AGAP4: variants seen among roughly 807,000 people sequenced by gnomAD.
AGAP4 encodes ArfGAP with GTPase domain, ankyrin repeat and PH domain 4.
In AGAP4, 13 loss-of-function variants were observed where a neutral mutation model predicts 60.7. The ratio of observed to expected loss-of-function variants is 0.21; its 90% CI spans 0.14 to 0.34. The LOEUF (loss-of-function observed/expected upper bound fraction) is 0.34. Among genes scored for constraint, AGAP4 ranks in the 10% least tolerant of loss-of-function variants. AGAP4 has a pLI of 1.00. For missense variants in AGAP4, 169 were observed against 884.0 expected (o/e 0.19, Z 10.26); for synonymous variants, 70 against 339.0 (o/e 0.21, Z 8.72).
At chr10:45,827,785 A>C (rs1408966831) in intron 7 of AGAP4, among the ~76,000 whole-genome samples, 25 of 24,204 alleles carry the variant, frequency 1.0e-3, no homozygotes, top group African/African-American at 2.7e-3. Flanking sequence ...GAGTCCATAA[A>C]AAAAAAAAAA....
chr10:45,834,350 G>C (rs2058777095), intron 4 of AGAP4, among the ~76,000 whole-genome samples: 1 of 136,922 alleles, frequency 7.3e-6, no homozygotes, highest in African/African-American at 3.1e-5. Flanking sequence ...AACCTAACAA[G>C]GATTTTATGA....
At chr10:45,845,460 ATAT>A (rs2058983054) in intron 2 of AGAP4, among the ~76,000 whole-genome samples, 1 of 108,314 alleles carries the variant, frequency 9.2e-6, no homozygotes, top group Admixed American at 8.3e-5. Context: ...TTCAAGAACC[ATAT>A]TATTACCCAG....
chr10:45,849,726 C>T (rs1479402447), upstream of AGAP4, among the ~76,000 whole-genome samples: 2 of 151,148 alleles, frequency 1.3e-5, no homozygotes, highest in Non-Finnish European at 1.5e-5. Flanking sequence ...CTGCAACCTC[C>T]GCCTCCTGGG....
At chr10:45,844,093 C>A (rs1554899073) in intron 3 of AGAP4, among the ~76,000 whole-genome samples, 4 of 150,354 alleles carry the variant, frequency 2.7e-5, no homozygotes, top group Non-Finnish European at 5.9e-5. Context: ...CATCACATCA[C>A]AAATTAATTG....
chr10:45,841,131 T>C (rs2058909782), intron 4 of AGAP4, among the ~76,000 whole-genome samples: 1 of 93,466 alleles, frequency 1.1e-5, no homozygotes, highest in Admixed American at 9.3e-5. Flanking sequence ...GAGACAGAGT[T>C]TTGCTCTGTC....
In AGAP4 at chr10:45,834,976, T is replaced by C. The variant is rs1335061773; in HGVS notation, c.397-860A>G. ...TTTTAGTAGAGACGGGGTTTCACCG[T>C]GTTAGCCAGGATGGTCTCGATCTCC... On this transcript the variant is annotated intron_variant, in intron 4 of 7. Transcript: ENST00000616763. 2.0e-5 allele frequency among the ~76,000 whole-genome samples: 3 copies of C among 146,606 alleles called. No individual in the cohort carries two copies. The Middle Eastern group carries it at 0.01, about 506-fold the overall frequency.
At chr10:45,828,397 T>C (rs2135920309) in intron 6 of AGAP4, among the ~76,000 whole-genome samples, 1 of 150,400 alleles carries the variant, frequency 6.6e-6, no homozygotes, top group African/African-American at 2.4e-5. Flanking sequence ...AAGAATGTTC[T>C]ACAAAGCAGT....
chr10:45,845,491 T>G (rs1333399592), intron 2 of AGAP4, among the ~76,000 whole-genome samples: 1 of 111,702 alleles, frequency 9.0e-6, no homozygotes, highest in Non-Finnish European at 2.0e-5. Context: ...TTTACTTAGA[T>G]TCATCTCTTT....
intron 3 of AGAP4, 106 bp downstream of exon 3, chr10:45,844,220 A>G: frequency 8.5e-7 from 1 of 1,172,980 alleles, no homozygotes. Flanking sequence ...ACATGTGAAA[A>G]GATGAAAATT....
At chr10:45,837,038 T>C (rs2135942625) in intron 4 of AGAP4, among the ~76,000 whole-genome samples, 1 of 143,008 alleles carries the variant, frequency 7.0e-6, no homozygotes, top group East Asian at 2.1e-4. Flanking sequence ...GGCTAACTTT[T>C]GTATTTTTAG....
rs1297954049 is a variant in AGAP4, at chr10:45,831,979, G to C, written c.498-550C>G. Among the ~76,000 whole-genome samples, 5 of 143,294 alleles carry C rather than the reference G, an allele frequency of 3.5e-5. No homozygotes were observed. The Admixed American group carries it at 3.5e-4, about 10-fold the overall frequency. 94.0% of individuals were successfully genotyped at this position (143,294 alleles called of 152,430 possible). A position where few individuals can be genotyped will look rare whatever the true frequency, so the allele number is the denominator to read the frequency against. On this transcript the variant is annotated intron_variant, in intron 5 of 7. Transcript: ENST00000616763. ...GGCTGGAGTGCAATGGTGTGATCTC[G>C]GCTCACCACAACCTCTGCCTCCCAG...
At chr10:45,834,819 A>G (rs1401418252) in intron 4 of AGAP4, among the ~76,000 whole-genome samples, 1,628 of 142,204 alleles carry the variant, frequency 0.011, 28 homozygotes, top group African/African-American at 0.045. Context: ...TGTCGCCCAG[A>G]CTGGAGTGCA....
At chr10:45,844,665 T>TAA (rs1299137211) in intron 2 of AGAP4, among the ~76,000 whole-genome samples, 943 of 90,878 alleles carry the variant, frequency 0.01, 4 homozygotes, top group African/African-American at 0.038. Flanking sequence ...CTCCTTTATT[T>TAA]AAAAAAAAAA....
chr10:45,853,232 CTT>C (rs1233357974), intron 1 of AGAP4, among the ~76,000 whole-genome samples: 1 of 150,180 alleles, frequency 6.7e-6, no homozygotes, highest in African/African-American at 2.5e-5. Flanking sequence ...GATATCATAA[CTT>C]GACATTTTGT....
At chr10:45,851,084 C>T (rs1179636752), upstream of AGAP4, among the ~76,000 whole-genome samples, 2 of 151,456 alleles carry the variant, frequency 1.3e-5, no homozygotes, top group South Asian at 4.2e-4. Context: ...TAAAATAAAG[C>T]TAATACATGA....
chr10:45,852,468 C>A (rs2059097181), upstream of AGAP4, among the ~76,000 whole-genome samples: 1 of 148,822 alleles, frequency 6.7e-6, no homozygotes, highest in African/African-American at 2.5e-5. Context: ...AAAGAAATAA[C>A]AGCAGGTTTA....
chr10:45,830,104 T>G (rs1200821984), intron 6 of AGAP4, among the ~76,000 whole-genome samples: 1 of 147,630 alleles, frequency 6.8e-6, no homozygotes, highest in Non-Finnish European at 1.5e-5. Context: ...TACCCACAAC[T>G]GTCTGAAAAC....
At chr10:45,843,627 G>C (rs2058954949) in intron 3 of AGAP4, among the ~76,000 whole-genome samples, 2 of 124,946 alleles carry the variant, frequency 1.6e-5, no homozygotes, top group Non-Finnish European at 3.5e-5. Flanking sequence ...GTGTTTTACT[G>C]TGCTGCATTA....
intron 4 of AGAP4, among the ~76,000 whole-genome samples, chr10:45,834,694 A>AAG (rs2058787062): frequency 7.9e-6 from 1 of 125,814 alleles, no homozygotes; most frequent in Non-Finnish European, 1.6e-5. Context: ...AAAAAAAAAA[A>AAG]AAAAGAAAAG....
Sources: allele counts gnomAD v4.1 joint callset (sites outside exome capture counted in the v4.1 genomes callset), GRCh38; gene constraint gnomAD v4.1.1; transcripts MANE v1.5; gene names NCBI Gene and HGNC (gene_info 2026-07-23, HGNC 2026-07-21).